The following ARFGEF3 variants were observed in gnomAD, a reference collection of about 807,000 sequenced individuals.
The protein encoded by ARFGEF3 is brefeldin A-inhibited guanine nucleotide-exchange protein 3.
Under a neutral mutation model 221.7 loss-of-function variants are expected in ARFGEF3, and 96 were observed. That is an observed-to-expected ratio of 0.43 (90% CI 0.37 to 0.51). The LOEUF (loss-of-function observed/expected upper bound fraction) is 0.51. ARFGEF3 is among the 20% of genes least tolerant of loss of function. The probability of loss-of-function intolerance (pLI) is 0.00; values close to 1 mark genes in which losing one functional copy is unlikely to be tolerated. For missense variants in ARFGEF3, 2,410 were observed against 2,789.9 expected (o/e 0.86, Z 3.07); for synonymous variants, 1,145 against 1,126.8 (o/e 1.02, Z -0.32).
At chr6:138,273,284 A>G (rs1208543148) in intron 12 of ARFGEF3, among the ~76,000 whole-genome samples, 1 of 152,216 alleles carries the variant, frequency 6.6e-6, no homozygotes, top group Non-Finnish European at 1.5e-5. Flanking sequence ...AAAAAGAAGT[A>G]CCAAATTCTC....
At position 138,262,829 on chromosome 6, in the gene ARFGEF3, G is replaced by A. The variant is rs1778817948; in HGVS notation, c.1346G>A (p.Gly449Asp). Reference protein sequence around the residue: ...ELSQGKGLSEGQVQLLLLRLE... With the variant: ...ELSQGKGLSEDQVQLLLLRLE... The stretch of plus-strand genomic sequence containing the variant: ...AGCCAGGGGAAGGGCTTGAGCGAAG[G>A]TCAGGTGCAACTGCTGCTTCTGCGC... Residue 449 changes from glycine to aspartate, a missense_variant, in exon 12 of 34, where the codon GGT becomes GAT. Gly to Asp is a moderately conservative substitution (Grantham distance 94, BLOSUM62 -1). Coordinates refer to ENST00000251691, the MANE Select transcript of ARFGEF3 (RefSeq NM_020340.5). 6.2e-7 allele frequency: 1 copy of A among 1,614,026 alleles called. No homozygotes were observed. Among genetic ancestry groups the A allele is most frequent in the Non-Finnish European group, 8.5e-7 (1 of 1,179,902 alleles).
intron 2 of ARFGEF3, among the ~76,000 whole-genome samples, chr6:138,194,619 A>G (rs1777373943): frequency 1.3e-5 from 2 of 152,244 alleles, no homozygotes; most frequent in Non-Finnish European, 2.9e-5. Context: ...GAAAGAAGCA[A>G]GGTTAAGTAG....
In ARFGEF3 at chr6:138,323,641, A is replaced by C. The variant is rs6918365; in HGVS notation, c.4767-30A>C. The C allele has an allele frequency of 8.6e-3, 13,685 of 1,599,292 alleles. 1,024 individuals carry two copies. The African/African-American group carries it at 0.16, about 19-fold the overall frequency. On this transcript the variant is annotated intron_variant, in intron 29 of 33. Transcript: ENST00000251691. ...AAACAAACAACAACAACAACAAAAA[A>C]AAAACTCCTTTACTTGTTTCTTTTG...
chr6:138,198,551 C>T (rs750272560), intron 2 of ARFGEF3, among the ~76,000 whole-genome samples: 10 of 152,074 alleles, frequency 6.6e-5, no homozygotes, highest in Non-Finnish European at 1.5e-4. Context: ...TGTAAAGGAC[C>T]CATATTCATT....
chr6:138,274,344 C>T (rs1779057385), intron 12 of ARFGEF3, among the ~76,000 whole-genome samples: 1 of 152,174 alleles, frequency 6.6e-6, no homozygotes, highest in South Asian at 2.1e-4. Context: ...GGAGACTGGT[C>T]TTGTGCCCTA....
chr6:138,334,535 T>C lies in ARFGEF3; in HGVS notation c.5689T>C (p.Trp1897Arg). Residue 1897 changes from tryptophan to arginine, a missense_variant, in exon 33 of 34, where the codon TGG becomes CGG. By Grantham distance (101) the Trp-to-Arg change is moderately radical. Around this residue, in one of 5 missense-constraint regions of ARFGEF3, gnomAD observed 723 missense variants for 991.9 expected, o/e 0.73. Transcript: ENST00000251691. This position sits in a 1 kb window ranked among gnomAD's most constrained non-coding sequence, Gnocchi z 5.1. The stretch of plus-strand genomic sequence containing the variant: ...CGTCCAGCCTGTCAGCAACGCAGAT[T>C]GGGTGTGGCTGGTCAAGAGGCTGCA... ...LSVQPVSNAD[W>R]VWLVKRLHKL... 6.2e-7 allele frequency: 1 copy of C among 1,612,312 alleles called. No homozygotes were observed. Among genetic ancestry groups the C allele is most frequent in the Non-Finnish European group, 8.5e-7 (1 of 1,179,696 alleles).
At chr6:138,330,191 G>A (rs942061216) in intron 32 of ARFGEF3, among the ~76,000 whole-genome samples, 2 of 152,174 alleles carry the variant, frequency 1.3e-5, no homozygotes, top group East Asian at 1.9e-4. Context: ...GGGACATGAT[G>A]GCTTAGCTTG....
chr6:138,316,084 G>A (rs1335891607), intron 26 of ARFGEF3, among the ~76,000 whole-genome samples: 1 of 152,100 alleles, frequency 6.6e-6, no homozygotes, highest in East Asian at 1.9e-4. Context: ...TTAAACAGTT[G>A]TAAACGGTTG....
Position 138,344,134 on chromosome 6 carries a change from G to T in ARFGEF3, c.*7648G>T, listed in dbSNP as rs1263781565. 6.6e-6 allele frequency: 1 copy of T among 152,166 alleles called. No individual in the cohort carries two copies. The highest frequency in any genetic ancestry group is 1.5e-5 in the Non-Finnish European group (1 of 68,032). The allele number at this position is 152,166 out of a possible 1,614,324, so 9.4% of individuals were successfully genotyped here. A position where few individuals can be genotyped will look rare whatever the true frequency, so the allele number is the denominator to read the frequency against. On this transcript the variant is annotated 3_prime_UTR_variant, in exon 34 of 34. Coordinates refer to ENST00000251691, the MANE Select transcript of ARFGEF3 (RefSeq NM_020340.5). The stretch of plus-strand genomic sequence containing the variant: ...ATCTCCCACTCTAGATAAAGCCAGT[G>T]GGTGGTATGGGTCCTTTTATTCCTT...
At chr6:138,164,893 T>C (rs1776694548) in intron 1 of ARFGEF3, among the ~76,000 whole-genome samples, 3 of 151,948 alleles carry the variant, frequency 2.0e-5, no homozygotes, top group South Asian at 4.2e-4. Flanking sequence ...CATCATGTGA[T>C]GGGGAGGTCA....
chr6:138,274,879 G>A (rs549813489), intron 12 of ARFGEF3, among the ~76,000 whole-genome samples: 18 of 150,948 alleles, frequency 1.2e-4, no homozygotes, highest in African/African-American at 2.7e-4. Flanking sequence ...AGGCTGAGGC[G>A]GGCAGATCAC....
At chr6:138,179,628 T>C (rs1314775899) in intron 2 of ARFGEF3, among the ~76,000 whole-genome samples, 1 of 152,180 alleles carries the variant, frequency 6.6e-6, no homozygotes, top group Admixed American at 6.5e-5. Flanking sequence ...TGATTTTTCA[T>C]GCAGGGTGTG....
At chr6:138,261,745 T>C in intron 11 of ARFGEF3, 106 bp downstream of exon 11, 2 of 494,986 alleles carry the variant, frequency 4.0e-6, no homozygotes, top group Non-Finnish European at 7.0e-6. Flanking sequence ...TTATATGAAA[T>C]GTGTCTATTT....
rs1470927418 is a variant in ARFGEF3 at position 138,162,149 on chromosome 6, G to C, written c.63G>C (p.Lys21Asn). The change falls in exon 1 of 34, where the codon AAG (lysine) becomes AAC (asparagine). Residue 21 changes from lysine (K) to asparagine (N), a missense_variant. By Grantham distance (94) the Lys-to-Asn change is moderately conservative. This residue lies in a region of ARFGEF3 where 570 missense variants were observed against 586.9 expected (regional missense o/e 0.97). Transcript: ENST00000251691. The surrounding 1 kb of genome is among the most constrained non-coding windows in gnomAD (Gnocchi z 4.7). The stretch of plus-strand genomic sequence containing the variant: ...CCGGGAGCAAGTACAAAGCCATCAA[G>C]GAGAGCTGCACCTGGGCCCTGGGTA... The part of the protein sequence containing the change: ...EASGSKYKAI[K>N]ESCTWALETL... 1 of 1,603,664 alleles carries C rather than the reference G, an allele frequency of 6.2e-7. No individual in the cohort carries two copies. Among genetic ancestry groups the C allele is most frequent in the Admixed American group, 1.7e-5 (1 of 59,542 alleles).
In ARFGEF3 at chr6:138,280,138, G is replaced by A; in HGVS notation, c.2435G>A (p.Ser812Asn). The A allele has an allele frequency of 1.2e-6, 2 of 1,613,820 alleles. No homozygotes were observed. The highest frequency in any genetic ancestry group is 2.2e-5 in the South Asian group (2 of 91,048). ...TATTGGGGCAGCCCAGAAGATAACA[G>A]CCTTCCCCTCATCACAATGCTGACC... ...AGYWGSPEDNSLPLITMLTDI... is the reference protein window; with the variant it reads ...AGYWGSPEDNNLPLITMLTDI... The change falls in exon 14 of 34, where the codon AGC becomes AAC. Residue 812 changes from serine (S) to asparagine (N), a missense_variant. Ser to Asn is a conservative substitution (Grantham distance 46). Transcript: ENST00000251691.
chr6:138,295,320 T>C (rs1285486387), intron 20 of ARFGEF3, among the ~76,000 whole-genome samples: 1 of 152,168 alleles, frequency 6.6e-6, no homozygotes, highest in East Asian at 1.9e-4. Context: ...TTATATTTTC[T>C]TCTTAAAAGA....
chr6:138,325,031 G>C (rs1157410378), intron 31 of ARFGEF3, among the ~76,000 whole-genome samples: 4 of 152,202 alleles, frequency 2.6e-5, no homozygotes, highest in African/African-American at 9.7e-5. Flanking sequence ...ATTCCATCAT[G>C]TAATAGCAAC....
At chr6:138,256,441 C>T (rs1778682737) in intron 10 of ARFGEF3, among the ~76,000 whole-genome samples, 1 of 152,116 alleles carries the variant, frequency 6.6e-6, no homozygotes, top group Non-Finnish European at 1.5e-5. Flanking sequence ...ATTGCATTTC[C>T]TTTTGTTATC....
chr6:138,235,908 G>A (rs1778277239), intron 5 of ARFGEF3, among the ~76,000 whole-genome samples: 1 of 152,126 alleles, frequency 6.6e-6, no homozygotes. Flanking sequence ...AGCTGAGTAA[G>A]CATGCTTACC....
Sources: allele counts gnomAD v4.1 joint callset (sites outside exome capture counted in the v4.1 genomes callset), GRCh38; gene constraint gnomAD v4.1.1; regional missense constraint gnomAD v4.1.1; non-coding constraint Gnocchi (gnomAD v3.1); transcripts MANE v1.5; gene names NCBI Gene and HGNC (gene_info 2026-07-23, HGNC 2026-07-21).